The following CDHR2 variants were observed in gnomAD, a reference collection of about 807,000 sequenced individuals.
CDHR2 encodes the protein cadherin-related family member 2.
CDHR2 carries 104 observed loss-of-function variants against 138.6 expected under a neutral mutation model. That is an observed-to-expected ratio of 0.75 (90% CI 0.64 to 0.88). The LOEUF is 0.88. CDHR2 is among the 40% of genes least tolerant of loss of function. CDHR2 has a pLI of 0.00. For synonymous variants in CDHR2, 755 were observed against 742.8 expected (o/e 1.02, Z -0.27); for missense variants, 1,624 against 1,727.6 (o/e 0.94, Z 1.06).
chr5:176,590,026 C>T (rs1758803150), intron 24 of CDHR2, 52 bp from the exon 25 acceptor site: 3 of 1,482,412 alleles, frequency 2.0e-6, no homozygotes, highest in Middle Eastern at 3.4e-4. Flanking sequence ...CAGCCCTGGC[C>T]ACAGGCCCAG....
intron 5 of CDHR2, among the ~76,000 whole-genome samples, chr5:176,569,445 G>C (rs1364862266): frequency 2.0e-5 from 3 of 151,834 alleles, no homozygotes; most frequent in Non-Finnish European, 4.4e-5. Context: ...CACCACGCCC[G>C]GCTAATTTTT....
chr5:176,588,826 CAG>C (rs1352650926), intron 21 of CDHR2, among the ~76,000 whole-genome samples: 8 of 152,074 alleles, frequency 5.3e-5, no homozygotes, highest in African/African-American at 1.4e-4. Context: ...AGTTGGGGAA[CAG>C]GGGCAGGTTC....
intron 1 of CDHR2, 50 bp from the exon 2 acceptor site, chr5:176,565,288 A>G (rs1354236784): frequency 7.1e-7 from 1 of 1,405,242 alleles, no homozygotes. Context: ...GAGTCTGCCA[A>G]AAGGAGGGAG....
At chr5:176,595,855 T>G (rs111390019), downstream of CDHR2, 17 of 564,212 alleles carry the variant, frequency 3.0e-5, no homozygotes, top group Non-Finnish European at 4.5e-5. Context: ...AGCCAAAAAC[T>G]GCGGCTGGAG....
intron 1 of CDHR2, among the ~76,000 whole-genome samples, chr5:176,561,867 C>T (rs563702290): frequency 1.8e-4 from 27 of 152,148 alleles, no homozygotes; most frequent in East Asian, 7.7e-4. Context: ...CTCAAACTCC[C>T]GACATCAAGT....
At chr5:176,561,082 G>A (rs563277560) in intron 1 of CDHR2, among the ~76,000 whole-genome samples, 1 of 152,270 alleles carries the variant, frequency 6.6e-6, no homozygotes, top group African/African-American at 2.4e-5. Flanking sequence ...CAATGAGAAG[G>A]GCAAGAGACA....
intron 1 of CDHR2, among the ~76,000 whole-genome samples, chr5:176,552,218 C>G (rs1757721863): frequency 6.6e-6 from 1 of 152,216 alleles, no homozygotes; most frequent in Non-Finnish European, 1.5e-5. Flanking sequence ...GCTGGGGTAC[C>G]AGGAAATGAG....
intron 1 of CDHR2, among the ~76,000 whole-genome samples, chr5:176,562,093 G>T (rs1034002598): frequency 9.9e-5 from 15 of 152,148 alleles, no homozygotes. Context: ...GGAGTGGTTC[G>T]AGGTGAAGCT....
intron 6 of CDHR2, among the ~76,000 whole-genome samples, chr5:176,573,753 T>C (rs1052016598): frequency 1.3e-5 from 2 of 152,116 alleles, no homozygotes; most frequent in Non-Finnish European, 2.9e-5. Context: ...CCCATGGCTA[T>C]AGGCTGTAGA....
chr5:176,552,609 C>G (rs10054861), intron 1 of CDHR2, among the ~76,000 whole-genome samples: 1 of 151,894 alleles, frequency 6.6e-6, no homozygotes, highest in East Asian at 1.9e-4. Context: ...TGCGCCTTCG[C>G]CAGCCCACAC....
At position 176,574,969 on chromosome 5, in the gene CDHR2, G is replaced by C. The variant is rs1393963227; in HGVS notation, c.496-115G>C. The C allele has an allele frequency of 3.9e-6, 5 of 1,279,076 alleles. No homozygotes were observed. In the Admixed American group the frequency reaches 1.0e-4, roughly 26 times the overall value. 79.2% of individuals were successfully genotyped at this position (1,279,076 alleles called of 1,614,324 possible). On this transcript the variant is annotated intron_variant, in intron 7 of 31. Transcript: ENST00000261944. ...GCTCAGAGAGGTCATATGACCTGGT[G>C]CCAGTGGCGTGACTGGTCAGTGGCA...
intron 30 of CDHR2, among the ~76,000 whole-genome samples, chr5:176,592,363 G>GTGATGGTGGTGGTGATGGTTA (rs1473132910): frequency 1.0e-4 from 15 of 148,504 alleles, no homozygotes; most frequent in African/African-American, 3.7e-4. Flanking sequence ...GGTAGTGATG[G>GTGATGGTGGTGGTGATGGTTA]TGATGGTGGT....
chr5:176,595,789 C>CTGTCTGCCGTGATT lies in CDHR2; in HGVS notation c.*117_*118insTGTCTGCCGTGATT. On this transcript the variant is annotated 3_prime_UTR_variant, in exon 32 of 32. Coordinates refer to ENST00000261944, the MANE Select transcript of CDHR2 (RefSeq NM_017675.6). ...CCTGCCTCCTGCTTTTGGCCAATCA[C>CTGTCTGCCGTGATT]GGCAGACAGGGGTTGGGGAAATATT... The CTGTCTGCCGTGATT allele has an allele frequency of 9.8e-7, 1 of 1,017,744 alleles. No homozygotes were observed. The highest frequency in any genetic ancestry group is 1.4e-6 in the Non-Finnish European group (1 of 727,898). 63.0% of individuals were successfully genotyped at this position (1,017,744 alleles called of 1,614,324 possible).
intron 1 of CDHR2, among the ~76,000 whole-genome samples, chr5:176,560,758 C>A (rs1457802916): frequency 6.6e-6 from 1 of 152,334 alleles, no homozygotes; most frequent in South Asian, 2.1e-4. Context: ...AATGAATGAG[C>A]GAATCAGGGT....
Position 176,591,674 on chromosome 5 carries a change from G to C in CDHR2, c.3734+190G>C, listed in dbSNP as rs369307381. The C allele has an allele frequency of 1.5e-5, 9 of 610,132 alleles. No individual in the cohort carries two copies. The East Asian group carries it at 2.0e-4, about 13-fold the overall frequency. 37.8% of individuals were successfully genotyped at this position (610,132 alleles called of 1,614,324 possible). Reference sequence around the variant, plus strand: ...GGTGATGGTAGCAATGGTGACAGTGGTGATGATGACAACAATGATGGTGGT... The same window carrying C: ...GGTGATGGTAGCAATGGTGACAGTGCTGATGATGACAACAATGATGGTGGT... On this transcript the variant is annotated intron_variant, in intron 30 of 31. Coordinates refer to ENST00000261944, the MANE Select transcript of CDHR2 (RefSeq NM_017675.6).
chr5:176,579,943 A>G (rs1758486832), intron 16 of CDHR2, among the ~76,000 whole-genome samples: 1 of 152,128 alleles, frequency 6.6e-6, no homozygotes, highest in Non-Finnish European at 1.5e-5. Context: ...GCCCAGAGGA[A>G]GCGCCAACCT....
At chr5:176,580,038 G>A (rs953557090) in intron 16 of CDHR2, among the ~76,000 whole-genome samples, 3 of 152,126 alleles carry the variant, frequency 2.0e-5, no homozygotes, top group Non-Finnish European at 2.9e-5. Flanking sequence ...AGAGGAACCC[G>A]CTGTGTTATC....
chr5:176,545,224 A>G (rs538483811), upstream of CDHR2, among the ~76,000 whole-genome samples: 1 of 152,160 alleles, frequency 6.6e-6, no homozygotes, highest in South Asian at 2.1e-4. Flanking sequence ...TCCAGGTTCA[A>G]GCGATTCTTG....
At position 176,575,537 on chromosome 5, in the gene CDHR2, A is replaced by G. The variant is rs953791028; in HGVS notation, c.800A>G (p.Asp267Gly). The G allele has an allele frequency of 6.2e-7, 1 of 1,614,020 alleles. No homozygotes were observed. Among genetic ancestry groups the G allele is most frequent in the African/African-American group, 1.3e-5 (1 of 74,920 alleles). Residue 267 changes from aspartate (D) to glycine (G), a missense_variant, in exon 10 of 32, where the codon GAT becomes GGT. Physicochemically the swap from Asp to Gly is moderately conservative, Grantham distance 94. Transcript: ENST00000261944. ...GTSVLTVEAV[D>G]GDKGINDPVI... is the part of the protein sequence containing the mutation. ...TCGGTGCTGACGGTGGAGGCTGTGG[A>G]TGGCGACAAAGGCATCAATGACCCT...
Sources: gnomAD v4.1 joint callset for allele counts (sites outside exome capture counted in the v4.1 genomes callset) on GRCh38, gnomAD v4.1.1 for gene constraint, MANE v1.5 for transcripts, NCBI Gene and HGNC (gene_info 2026-07-23, HGNC 2026-07-21) for gene names.